Variants in TNS3 observed in about 807,000 individuals in gnomAD.
TNS3 encodes the protein tensin 3.
A neutral mutation model predicts 140.9 loss-of-function variants in TNS3; 45 were observed. The observed-to-expected ratio is 0.32, with a 90% CI of 0.25 to 0.41. The LOEUF is 0.41. Ranked by LOEUF, TNS3 falls within the 10% of genes least tolerant of loss-of-function variation. The probability of loss-of-function intolerance (pLI) is 1.00; values close to 1 mark genes in which losing one functional copy is unlikely to be tolerated. For missense variants in TNS3, 1,716 were observed against 1,906.7 expected, an observed-to-expected ratio of 0.90 and a Z score of 1.86; for synonymous variants, 815 against 788.4, an observed-to-expected ratio of 1.03 and a Z score of -0.56.
intron 20 of TNS3, among the ~76,000 whole-genome samples, chr7:47,315,879 G>A (rs1787367594): frequency 6.6e-6 from 1 of 152,158 alleles, no homozygotes; most frequent in Non-Finnish European, 1.5e-5. Flanking sequence ...ACATCAATTA[G>A]TAACTACAAA....
intron 20 of TNS3, among the ~76,000 whole-genome samples, chr7:47,340,121 T>A (rs1291625394): frequency 4.4e-3 from 271 of 62,294 alleles, no homozygotes; most frequent in African/African-American, 0.011. Flanking sequence ...ATATATTTTT[T>A]TTTTTTTTTT....
At chr7:47,336,570 T>C (rs1487493324) in intron 20 of TNS3, among the ~76,000 whole-genome samples, 1 of 152,160 alleles carries the variant, frequency 6.6e-6, no homozygotes, top group Non-Finnish European at 1.5e-5. Flanking sequence ...GAAGGGTGGG[T>C]GAAGGATGCC....
chr7:47,322,294 C>G (rs1449169530), intron 20 of TNS3, among the ~76,000 whole-genome samples: 1 of 150,614 alleles, frequency 6.6e-6, no homozygotes, highest in Non-Finnish European at 1.5e-5. Context: ...GAGACTGACG[C>G]AGGCGGATCA....
Position 47,358,778 on chromosome 7 carries a change from G to C in TNS3, c.2281+9587C>G, listed in dbSNP as rs145421836. ...TTTATGTCCCTGAGACTGTGGATTTGTCGTAACTGCTCCACCCTGACAGAG... is the reference window on the plus strand; with the variant it reads ...TTTATGTCCCTGAGACTGTGGATTTCTCGTAACTGCTCCACCCTGACAGAG... On this transcript the variant is annotated intron_variant, in intron 17 of 30. Transcript: ENST00000311160. Among the ~76,000 whole-genome samples the C allele has an allele frequency of 4.8e-4, 73 of 152,330 alleles. No homozygotes were observed. The East Asian group carries it at 0.013, about 27-fold the overall frequency.
In TNS3 at chr7:47,344,779, C is replaced by G. The variant is rs1346227629; in HGVS notation, c.2626G>C (p.Ala876Pro). Residue 876 changes from alanine (A) to proline (P), a missense_variant, in exon 20 of 31, where the codon GCC (alanine) becomes CCC (proline). Coordinates refer to ENST00000311160, the MANE Select transcript of TNS3 (RefSeq NM_022748.12). ...CCACGTCCTCCTTTGTGCTGACTGG[C>G]TGGGCTGCTCAGCGGGGGCTCAGGT... is the stretch of plus-strand genomic sequence containing the variant. Reference protein sequence around the residue: ...SPPEPPLSSPASQHKGGREPR... With the variant: ...SPPEPPLSSPPSQHKGGREPR... 1 of 1,612,928 alleles carries G rather than the reference C, an allele frequency of 6.2e-7. No homozygotes were observed. Among genetic ancestry groups the G allele is most frequent in the Non-Finnish European group, 8.5e-7 (1 of 1,179,974 alleles).
In TNS3 at chr7:47,439,490, G is replaced by A. The variant is rs780369544; in HGVS notation, c.147C>T (p.Tyr49=). 1 of 1,613,650 alleles carries A rather than the reference G, an allele frequency of 6.2e-7. No homozygotes were observed. Among genetic ancestry groups the A allele is most frequent in the Middle Eastern group, 1.7e-4 (1 of 6,052 alleles). Residue 49 remains tyrosine (Y), a synonymous_variant, in exon 6 of 31, where the codon TAC becomes TAT. Coordinates refer to ENST00000311160, the MANE Select transcript of TNS3 (RefSeq NM_022748.12). ...RMLKSKHGDN[Y]LVLNLSEKRY... is the part of the protein sequence containing the mutation. The stretch of plus-strand genomic sequence containing the variant: ...CCCAGAGCCGCCCACCGCTCACCAG[G>A]TAGTTGTCCCCGTGCTTGGACTTGA...
intron 20 of TNS3, among the ~76,000 whole-genome samples, chr7:47,314,740 C>A (rs552765324): frequency 6.6e-6 from 1 of 152,268 alleles, no homozygotes; most frequent in African/African-American, 2.4e-5. Flanking sequence ...CCTAGAAGAG[C>A]CCAGGAGATG....
intron 4 of TNS3, among the ~76,000 whole-genome samples, chr7:47,457,638 A>G (rs560481523): frequency 5.7e-4 from 87 of 152,300 alleles, no homozygotes; most frequent in Non-Finnish European, 1.0e-3. Flanking sequence ...AAGCACCTAG[A>G]ATGCTCCCTA....
chr7:47,354,871 G>A (rs1056994932), intron 17 of TNS3, among the ~76,000 whole-genome samples: 13 of 152,100 alleles, frequency 8.5e-5, no homozygotes, highest in Admixed American at 2.0e-4. Flanking sequence ...GGTCTCCAAA[G>A]GTCACATGAC....
rs547869886 is a variant in TNS3, at chr7:47,318,639, C to A, written c.2651-13636G>T. ...AGCCAAAACAAAACAAAAACAAAAA[C>A]CCACAAACAGAGGAAGTATTGCCCT... On this transcript the variant is annotated intron_variant, in intron 20 of 30. Coordinates refer to ENST00000311160, the MANE Select transcript of TNS3 (RefSeq NM_022748.12). Among the ~76,000 whole-genome samples, 6 of 152,230 alleles carry A rather than the reference C, an allele frequency of 3.9e-5. No homozygotes were observed. In the South Asian group the frequency reaches 1.0e-3, roughly 26 times the overall value.
chr7:47,364,648 T>C (rs1413291331), intron 17 of TNS3, among the ~76,000 whole-genome samples: 2 of 152,246 alleles, frequency 1.3e-5, no homozygotes, highest in African/African-American at 4.8e-5. Flanking sequence ...TGCAGGCTTT[T>C]GACACTAAAT....
chr7:47,278,057 C>G lies in TNS3; in HGVS notation c.*19G>C. 1 of 1,613,900 alleles carries G rather than the reference C, an allele frequency of 6.2e-7. No homozygotes were observed. Among genetic ancestry groups the G allele is most frequent in the Non-Finnish European group, 8.5e-7 (1 of 1,179,860 alleles). On this transcript the variant is annotated 3_prime_UTR_variant, in exon 31 of 31. Transcript: ENST00000311160. ...GGGCTTCGAGAGGCATCGGTGGGTC[C>G]AGGGAGGGAGGGGAGTTCTCAGACC...
rs753007274 is a variant in TNS3, at chr7:47,435,381, C to T, written c.225G>A (p.Glu75=). Residue 75 remains glutamate (E), a synonymous_variant, in exon 8 of 31, where the codon GAG becomes GAA. Coordinates refer to ENST00000311160, the MANE Select transcript of TNS3 (RefSeq NM_022748.12). The part of the protein sequence containing the change: ...NPKIMDVGWP[E]LHAPPLDKMC... ...TCTTATCCAGGGGCGGTGCGTGGAG[C>T]TCTGGCCAGCCCACATCCATGATCT... 5.6e-6 allele frequency: 9 copies of T among 1,613,924 alleles called. No individual in the cohort carries two copies. The highest frequency in any genetic ancestry group is 5.0e-5 in the Admixed American group (3 of 60,022).
chr7:47,489,977 T>C (rs1797752151), intron 3 of TNS3, among the ~76,000 whole-genome samples: 2 of 152,320 alleles, frequency 1.3e-5, no homozygotes, highest in South Asian at 2.1e-4. Flanking sequence ...CTACGCCTTA[T>C]CTTTTCAAAA....
At chr7:47,316,206 C>A (rs1173528898) in intron 20 of TNS3, among the ~76,000 whole-genome samples, 1 of 149,560 alleles carries the variant, frequency 6.7e-6, no homozygotes, top group Non-Finnish European at 1.5e-5. Flanking sequence ...TAGGAAGTAT[C>A]TTTTTCCATT....
intron 16 of TNS3, among the ~76,000 whole-genome samples, chr7:47,373,029 C>T (rs889314392): frequency 2.0e-5 from 3 of 152,034 alleles, no homozygotes; most frequent in Non-Finnish European, 4.4e-5. Context: ...ACCCCCTGCA[C>T]CTACACCTCC....
intron 20 of TNS3, among the ~76,000 whole-genome samples, chr7:47,322,422 T>C (rs1218328481): frequency 1.3e-5 from 2 of 151,902 alleles, no homozygotes; most frequent in Non-Finnish European, 2.9e-5. Flanking sequence ...CTCAGGAGGA[T>C]GAAGCAGGAG....
intron 2 of TNS3, among the ~76,000 whole-genome samples, chr7:47,522,002 C>T (rs889673300): frequency 2.6e-5 from 4 of 152,128 alleles, no homozygotes; most frequent in African/African-American, 7.2e-5. Flanking sequence ...CGATGGAGAC[C>T]GGGGCCCAGC....
At chr7:47,293,950 A>T in intron 24 of TNS3, 122 bp from the exon 25 acceptor site, 1 of 865,516 alleles carries the variant, frequency 1.2e-6, no homozygotes, top group Admixed American at 2.2e-5. Flanking sequence ...ATACGAGTCC[A>T]GTCACTGCAA....
Sources: allele counts gnomAD v4.1 joint callset (sites outside exome capture counted in the v4.1 genomes callset), GRCh38; gene constraint gnomAD v4.1.1; transcripts MANE v1.5; gene names NCBI Gene and HGNC (gene_info 2026-07-23, HGNC 2026-07-21).